Variants in EIF4G3 observed in about 807,000 individuals in gnomAD.
EIF4G3 encodes the protein eukaryotic translation initiation factor 4 gamma 3.
Under a neutral mutation model 186.4 loss-of-function variants are expected in EIF4G3, and 34 were observed. That is an observed-to-expected ratio of 0.18 (90% confidence interval 0.14 to 0.24). The LOEUF is 0.24. Among genes scored for constraint, EIF4G3 ranks in the 10% least tolerant of loss-of-function variants. The probability of loss-of-function intolerance (pLI) is 1.00; values close to 1 mark genes in which losing one functional copy is unlikely to be tolerated. For missense variants in EIF4G3, 1,536 were observed against 1,948.5 expected (o/e 0.79, Z 3.99); for synonymous variants, 673 against 679.5 (o/e 0.99, Z 0.15).
chr1:21,101,306 G>A (rs2096513461), intron 2 of EIF4G3, among the ~76,000 whole-genome samples: 2 of 151,972 alleles, frequency 1.3e-5, no homozygotes, highest in South Asian at 4.1e-4. Context: ...GGTGGCTCAC[G>A]CCAGTAAACT....
rs117731437 is a variant in EIF4G3 at position 20,953,538 on chromosome 1, T to C, written c.715-3427A>G. On this transcript the variant is annotated intron_variant, in intron 12 of 36. Coordinates refer to ENST00000602326, the MANE Select transcript of EIF4G3 (RefSeq NM_001391906.1). ...ATTCATTTTTTAAAAACATAATGTT[T>C]ACCTATTAAGTAAACAGGCAACAGA... 9.4e-4 allele frequency among the ~76,000 whole-genome samples: 143 copies of C among 152,354 alleles called. 1 individual carries two copies. The East Asian group carries it at 0.026, about 28-fold the overall frequency.
At position 20,860,433 on chromosome 1, in the gene EIF4G3, C is replaced by G; in HGVS notation, c.3196G>C (p.Glu1066Gln). The change falls in exon 24 of 37, where the codon GAG (glutamate) becomes CAG (glutamine). Residue 1066 changes from glutamate (E) to glutamine (Q), a missense_variant. Glu to Gln is a conservative substitution (Grantham distance 29). Around this residue, in one of 11 missense-constraint regions of EIF4G3, gnomAD observed 110 missense variants for 166.2 expected, o/e 0.66. Transcript: ENST00000602326. ...ATGAGTTGCTGGACCTTCCTTTGCT[C>G]TTCTTGTTCTTCTATTTTAGCCTCT... ...HKEAKIEEQEEQRKVQQLMTK... is the reference protein window; with the variant it reads ...HKEAKIEEQEQQRKVQQLMTK... 1 of 1,614,044 alleles carries G rather than the reference C, an allele frequency of 6.2e-7. No individual in the cohort carries two copies. The highest frequency in any genetic ancestry group is 2.2e-5 in the East Asian group (1 of 44,852).
At chr1:21,027,709 C>A (rs1303916673) in intron 4 of EIF4G3, among the ~76,000 whole-genome samples, 1 of 152,092 alleles carries the variant, frequency 6.6e-6, no homozygotes, top group African/African-American at 2.4e-5. Flanking sequence ...AAAATAGGTA[C>A]AGCCATTGTG....
chr1:21,104,547 CATT>C (rs1055218389), intron 2 of EIF4G3, among the ~76,000 whole-genome samples: 3 of 152,228 alleles, frequency 2.0e-5, no homozygotes, highest in African/African-American at 7.2e-5. Context: ...TCACGATGGC[CATT>C]ATTAAAAAGT....
rs199640915 is a variant in EIF4G3, at chr1:21,028,349, TAAAG to T, written c.-67+22513_-67+22516del. On this transcript the variant is annotated intron_variant, in intron 4 of 36. Transcript: ENST00000602326. Reference sequence around the variant, plus strand: ...AAAAAAGAGAAAGGTTCAGAGATAATAAAGTAAGTTGCCCAAGGTCACACATGAT... The same window carrying T: ...AAAAAAGAGAAAGGTTCAGAGATAATTAAGTTGCCCAAGGTCACACATGAT... Among the ~76,000 whole-genome samples, 940 of 152,262 alleles carry T rather than the reference TAAAG, an allele frequency of 6.2e-3. 8 individuals carry two copies. Among genetic ancestry groups the T allele is most frequent in the African/African-American group, 0.022 (905 of 41,546 alleles).
At chr1:20,956,251 T>A (rs1174558970) in intron 12 of EIF4G3, among the ~76,000 whole-genome samples, 1 of 152,200 alleles carries the variant, frequency 6.6e-6, no homozygotes, top group East Asian at 1.9e-4. Flanking sequence ...ACCTCAAAAA[T>A]TCTATGAATA....
intron 15 of EIF4G3, among the ~76,000 whole-genome samples, chr1:20,903,904 A>G (rs558920820): frequency 1.3e-5 from 2 of 152,362 alleles, no homozygotes; most frequent in East Asian, 3.9e-4. Context: ...TTATTTTAAT[A>G]AAGTAGCTAA....
intron 2 of EIF4G3, 84 bp from the exon 3 acceptor site, chr1:21,089,297 C>T (rs554262512): frequency 4.4e-6 from 3 of 689,242 alleles, no homozygotes; most frequent in Non-Finnish European, 8.1e-6. Flanking sequence ...ATTCCACCAA[C>T]GACCTAAGCA....
chr1:20,880,756 A>C (rs1319565322), intron 19 of EIF4G3, among the ~76,000 whole-genome samples: 1 of 152,170 alleles, frequency 6.6e-6, no homozygotes, highest in Non-Finnish European at 1.5e-5. Context: ...GTCTCAAAAC[A>C]AAAAAGATGG....
intron 20 of EIF4G3, among the ~76,000 whole-genome samples, chr1:20,867,388 A>C (rs2077805197): frequency 6.6e-6 from 1 of 152,234 alleles, no homozygotes. Flanking sequence ...GAGATATTCC[A>C]AAATGACTGT....
At chr1:21,060,388 T>G (rs1239973739) in intron 3 of EIF4G3, among the ~76,000 whole-genome samples, 1 of 152,192 alleles carries the variant, frequency 6.6e-6, no homozygotes, top group African/African-American at 2.4e-5. Flanking sequence ...AATTTATCAG[T>G]TATCTGAATT....
intron 36 of EIF4G3, among the ~76,000 whole-genome samples, chr1:20,808,611 G>A (rs1470015954): frequency 6.6e-6 from 1 of 152,140 alleles, no homozygotes; most frequent in Non-Finnish European, 1.5e-5. Context: ...AACCCGGCAG[G>A]CGGAGCTTGC....
At chr1:20,974,255 A>C (rs1005453515) in intron 10 of EIF4G3, among the ~76,000 whole-genome samples, 1 of 152,204 alleles carries the variant, frequency 6.6e-6, no homozygotes, top group Non-Finnish European at 1.5e-5. Flanking sequence ...AACAACATTT[A>C]AACAAGACTA....
At chr1:20,875,854 G>A (rs1558031650) in intron 20 of EIF4G3, among the ~76,000 whole-genome samples, 1 of 152,128 alleles carries the variant, frequency 6.6e-6, no homozygotes, top group Non-Finnish European at 1.5e-5. Flanking sequence ...TGAGGGTGCA[G>A]TAAGCCCAGA....
At chr1:21,122,418 T>C (rs2096942201) in intron 2 of EIF4G3, among the ~76,000 whole-genome samples, 1 of 152,222 alleles carries the variant, frequency 6.6e-6, no homozygotes, top group South Asian at 2.1e-4. Context: ...AAATGACTAA[T>C]TCAAACCATG....
At chr1:20,998,893 A>G in intron 6 of EIF4G3, 1 of 389,278 alleles carries the variant, frequency 2.6e-6, no homozygotes, top group Non-Finnish European at 5.2e-6. Flanking sequence ...TGGCTCTCTT[A>G]TTTCCTCTAT....
At chr1:20,923,503 A>G (rs968050960) in intron 14 of EIF4G3, among the ~76,000 whole-genome samples, 3 of 152,224 alleles carry the variant, frequency 2.0e-5, no homozygotes, top group Non-Finnish European at 4.4e-5. Flanking sequence ...GATGCAAAAA[A>G]GTCAATCACT....
chr1:21,100,168 G>A (rs1457221394), intron 2 of EIF4G3, among the ~76,000 whole-genome samples: 7 of 152,258 alleles, frequency 4.6e-5, no homozygotes, highest in Middle Eastern at 3.4e-3. Flanking sequence ...AATCCATAGA[G>A]GCAGAAAGTA....
chr1:20,841,451 T>C (rs947259415), intron 29 of EIF4G3: 2 of 153,276 alleles, frequency 1.3e-5, no homozygotes, highest in Non-Finnish European at 2.9e-5. Flanking sequence ...ATTTAAAAAA[T>C]TGAAAATGGT....
Sources: gnomAD v4.1 joint callset for allele counts (sites outside exome capture counted in the v4.1 genomes callset) on GRCh38, gnomAD v4.1.1 for gene constraint, gnomAD v4.1.1 regional missense constraint, MANE v1.5 for transcripts, NCBI Gene and HGNC (gene_info 2026-07-23, HGNC 2026-07-21) for gene names.